DDX1: variants seen among roughly 807,000 people sequenced by gnomAD.
The protein encoded by DDX1 is ATP-dependent RNA helicase DDX1.
DDX1 carries 28 observed loss-of-function variants against 108.7 expected under a neutral mutation model. The observed-to-expected ratio is 0.26, with a 90% CI of 0.19 to 0.35. The LOEUF (loss-of-function observed/expected upper bound fraction) is 0.35. Ranked by LOEUF, DDX1 falls within the 10% of genes least tolerant of loss-of-function variation. DDX1 has a pLI of 1.00. For missense variants in DDX1, 710 were observed against 884.5 expected, an observed-to-expected ratio of 0.80 and a Z score of 2.50; for synonymous variants, 295 against 288.9, an observed-to-expected ratio of 1.02 and a Z score of -0.21.
rs761625834 is a variant in DDX1, at chr2:15,603,187, TG to T, written c.392-4del. 8.7e-6 allele frequency: 14 copies of T among 1,600,912 alleles called. No homozygotes were observed. The Admixed American group carries it at 2.4e-4, about 27-fold the overall frequency. ...TATAAATCTCAATGTATTTTACCCTTGTAGGGAAACACTACTATGAAGTATC... is the reference window on the plus strand; with the variant it reads ...TATAAATCTCAATGTATTTTACCCTTTAGGGAAACACTACTATGAAGTATC... On this transcript the variant is annotated splice_polypyrimidine_tract_variant and splice_region_variant and intron_variant, in intron 7 of 25. Coordinates refer to ENST00000233084, the MANE Select transcript of DDX1 (RefSeq NM_004939.3).
At chr2:15,625,340 G>A (rs1666083970) in intron 19 of DDX1, among the ~76,000 whole-genome samples, 1 of 151,998 alleles carries the variant, frequency 6.6e-6, no homozygotes, top group South Asian at 2.1e-4. Context: ...AGGATATGAG[G>A]GTATTTTTTG....
At chr2:15,621,014 A>T in intron 17 of DDX1, 51 bp from the exon 18 acceptor site, 2 of 1,134,206 alleles carry the variant, frequency 1.8e-6, no homozygotes, top group South Asian at 2.6e-5. Flanking sequence ...TATATTCTGA[A>T]TCATTATTTA....
chr2:15,616,421 A>G (rs1269835688), intron 14 of DDX1, among the ~76,000 whole-genome samples: 1 of 152,188 alleles, frequency 6.6e-6, no homozygotes, highest in East Asian at 1.9e-4. Context: ...GTAGAACTTT[A>G]CTCTGAAACC....
intron 13 of DDX1, among the ~76,000 whole-genome samples, chr2:15,608,539 A>G (rs1665703117): frequency 6.7e-6 from 1 of 149,004 alleles, no homozygotes; most frequent in African/African-American, 2.4e-5. Flanking sequence ...AAAAAAAAAA[A>G]AAAAGCAAGT....
At chr2:15,599,231 A>G (rs1252288335) in intron 5 of DDX1, 1 of 151,890 alleles carries the variant, frequency 6.6e-6, no homozygotes, top group African/African-American at 2.4e-5. Context: ...ATATAAAACC[A>G]TATTGAATCT....
At chr2:15,592,615 T>A (rs1017345611) in intron 1 of DDX1, among the ~76,000 whole-genome samples, 2 of 152,214 alleles carry the variant, frequency 1.3e-5, no homozygotes, top group African/African-American at 2.4e-5. Context: ...AAATATGATT[T>A]GATATGGCTT....
intron 5 of DDX1, 130 bp downstream of exon 5, chr2:15,597,601 G>C (rs1362008814): frequency 1.9e-5 from 12 of 630,526 alleles, no homozygotes; most frequent in Non-Finnish European, 3.3e-5. Flanking sequence ...TTGGGATCTG[G>C]AACCCTGGAA....
At position 15,611,676 on chromosome 2, in the gene DDX1, G is replaced by A. The variant is rs533466057; in HGVS notation, c.957-1548G>A. 7.4e-3 allele frequency among the ~76,000 whole-genome samples: 852 copies of A among 115,524 alleles called. 64 individuals carry two copies. Among genetic ancestry groups the A allele is most frequent in the African/African-American group, 0.036 (806 of 22,138 alleles). The allele number at this position is 115,524 out of a possible 152,430, so 75.8% of individuals were successfully genotyped here. A position where few individuals can be genotyped will look rare whatever the true frequency, so the allele number is the denominator to read the frequency against. On this transcript the variant is annotated intron_variant, in intron 13 of 25. Coordinates refer to ENST00000233084, the MANE Select transcript of DDX1 (RefSeq NM_004939.3). ...CCCCCACCTCCCGGACGGGGCGGCT[G>A]GCCGGGCGGGGGGCTGACCCCCCCA...
intron 16 of DDX1, among the ~76,000 whole-genome samples, chr2:15,619,651 A>G (rs1186362580): frequency 6.6e-6 from 1 of 152,254 alleles, no homozygotes; most frequent in Non-Finnish European, 1.5e-5. Flanking sequence ...TGGACGAAAT[A>G]GTATACTCAA....
Position 15,599,561 on chromosome 2 carries a change from C to T in DDX1, c.260-108C>T, listed in dbSNP as rs533650103. On this transcript the variant is annotated intron_variant, in intron 5 of 25. Coordinates refer to ENST00000233084, the MANE Select transcript of DDX1 (RefSeq NM_004939.3). ...CTCCTGACCTCAAGTGAACCACCCA[C>T]GTCAGCTTCCCAAAGTGCTGAGATT... 5.4e-5 allele frequency: 39 copies of T among 727,836 alleles called. No homozygotes were observed. The African/African-American group carries it at 6.6e-4, about 12-fold the overall frequency. 45.1% of individuals were successfully genotyped at this position (727,836 alleles called of 1,614,324 possible).
intron 6 of DDX1, among the ~76,000 whole-genome samples, chr2:15,601,139 T>G (rs1157960402): frequency 6.6e-6 from 1 of 152,160 alleles, no homozygotes; most frequent in African/African-American, 2.4e-5. Flanking sequence ...CCCTGTATAC[T>G]CTCTCAGCAT....
chr2:15,621,466 G>A, intron 18 of DDX1: 1 of 200,330 alleles, frequency 5.0e-6, no homozygotes, highest in Non-Finnish European at 1.0e-5. Context: ...ACCATGCCTG[G>A]CTAATTTTTT....
intron 5 of DDX1, among the ~76,000 whole-genome samples, chr2:15,598,906 G>A (rs1558451045): frequency 6.6e-6 from 1 of 151,496 alleles, no homozygotes; most frequent in Admixed American, 6.6e-5. Flanking sequence ...ACTTTTGAAT[G>A]TGGTATTGAA....
At chr2:15,600,302 T>TC (rs374843962) in intron 6 of DDX1, among the ~76,000 whole-genome samples, 8 of 152,322 alleles carry the variant, frequency 5.3e-5, no homozygotes, top group Non-Finnish European at 1.0e-4. Flanking sequence ...CTGTGATTGT[T>TC]CCATAGTGAG....
At chr2:15,607,132 A>G (rs1339455530) in intron 12 of DDX1, 43 bp from the exon 13 acceptor site, 1 of 1,578,846 alleles carries the variant, frequency 6.3e-7, no homozygotes, top group South Asian at 1.1e-5. Context: ...ACAGTATTAT[A>G]AAGTGTGCTT....
chr2:15,608,345 C>T (rs574528696), intron 13 of DDX1, among the ~76,000 whole-genome samples: 101 of 152,112 alleles, frequency 6.6e-4, no homozygotes, highest in East Asian at 2.3e-3. Flanking sequence ...CCAGCCAACA[C>T]GGTGAAACCC....
rs192958759 is a variant in DDX1, at chr2:15,612,715, A to G, written c.957-509A>G. Among the ~76,000 whole-genome samples the G allele has an allele frequency of 1.3e-4, 20 of 152,028 alleles. No individual in the cohort carries two copies. In the East Asian group the frequency reaches 3.3e-3, roughly 25 times the overall value. On this transcript the variant is annotated intron_variant, in intron 13 of 25. Coordinates refer to ENST00000233084, the MANE Select transcript of DDX1 (RefSeq NM_004939.3). ...ACGCCACTGCACTCCAGCCTGGGCA[A>G]CATTGAGCACTGAGTGAGGGAGACT...
chr2:15,612,194 C>T (rs878985071), intron 13 of DDX1, among the ~76,000 whole-genome samples: 1 of 151,542 alleles, frequency 6.6e-6, no homozygotes, highest in African/African-American at 2.4e-5. Context: ...TGGGTGACCC[C>T]CACCTCCTTC....
At chr2:15,615,810 C>T (rs1191641089) in intron 14 of DDX1, among the ~76,000 whole-genome samples, 1 of 152,104 alleles carries the variant, frequency 6.6e-6, no homozygotes. Flanking sequence ...TTTGAATTGT[C>T]TGATTTACTG....
Sources: gnomAD v4.1 joint callset for allele counts (sites outside exome capture counted in the v4.1 genomes callset) on GRCh38, gnomAD v4.1.1 for gene constraint, MANE v1.5 for transcripts, NCBI Gene and HGNC (gene_info 2026-07-23, HGNC 2026-07-21) for gene names.